CRB1: variants seen among roughly 807,000 people sequenced by gnomAD.
CRB1 encodes the protein crumbs cell polarity complex component 1, also known as protein crumbs homolog 1.
In CRB1, 83 loss-of-function variants were observed where a neutral mutation model predicts 120.0. The observed-to-expected ratio is 0.69, with a 90% CI of 0.58 to 0.83. CRB1 has a LOEUF of 0.83. CRB1 is among the 40% of genes least tolerant of loss of function. CRB1 has a pLI of 0.00. For missense variants in CRB1, 1,699 were observed against 1,687.6 expected (o/e 1.01, Z -0.12); for synonymous variants, 625 against 612.5 (o/e 1.02, Z -0.30).
At chr1:197,245,742 C>T in the CRB1 span, among the ~76,000 whole-genome samples, 4 of 152,120 alleles carry the variant, frequency 2.6e-5, no homozygotes, top group African/African-American at 7.2e-5. Context: ...TTTCCTTTGA[C>T]GCTGCTCCAG....
chr1:197,290,265 CGTGTGTGTGT>C lies in CRB1; in HGVS notation c.70+21814_70+21823del, dbSNP rs10540136. Among the ~76,000 whole-genome samples the C allele has an allele frequency of 1.2e-4, 16 of 136,896 alleles. 1 individual carries two copies. Among genetic ancestry groups the C allele is most frequent in the South Asian group, 4.8e-4 (2 of 4,148 alleles). The allele number at this position is 136,896 out of a possible 152,430, so 89.8% of individuals were successfully genotyped here. ...AAAATCAGTTTTTTATGTTCCCTTT[CGTGTGTGTGT>C]GTGTGTGTGTGTGTGTGTGTGTGTG... On this transcript the variant is annotated intron_variant, in intron 1 of 11. Coordinates refer to ENST00000367400, the MANE Select transcript of CRB1 (RefSeq NM_201253.3).
At chr1:197,277,345 A>C (rs1655266387) in intron 1 of CRB1, among the ~76,000 whole-genome samples, 1 of 151,946 alleles carries the variant, frequency 6.6e-6, no homozygotes, top group South Asian at 2.1e-4. Flanking sequence ...AATTCTTGGA[A>C]CCTTTAAATA....
chr1:197,421,465 T>C lies in CRB1; in HGVS notation c.1637T>C (p.Ile546Thr), dbSNP rs1427090221. ...CTAAGTGGCTACATTCACTTATCAA[T>C]TCAGGTCAATAATCAGTCAAAGGTG... ...ELLSGYIHLS[I>T]QVNNQSKVLL... The change falls in exon 6 of 12, where the codon ATT (isoleucine) becomes ACT (threonine). Residue 546 changes from isoleucine (I) to threonine (T), a missense_variant. Physicochemically the swap from Ile to Thr is moderately conservative, Grantham distance 89 (BLOSUM62 -1). Transcript: ENST00000367400. 6.2e-7 allele frequency: 1 copy of C among 1,614,224 alleles called. No individual in the cohort carries two copies. The highest frequency in any genetic ancestry group is 1.7e-5 in the Admixed American group (1 of 60,030).
chr1:197,439,650 G>A (rs1011876385), intron 10 of CRB1: 2 of 151,562 alleles, frequency 1.3e-5, no homozygotes, highest in African/African-American at 4.9e-5. Context: ...TATCATCGAG[G>A]GTAAGATAAG....
At chr1:197,285,081 T>C (rs1204609548) in intron 1 of CRB1, among the ~76,000 whole-genome samples, 1 of 151,844 alleles carries the variant, frequency 6.6e-6, no homozygotes, top group Non-Finnish European at 1.5e-5. Context: ...TATTGGAGTG[T>C]GAGTTGGTCA....
chr1:197,361,664 A>T (rs1660776091), intron 5 of CRB1, among the ~76,000 whole-genome samples: 1 of 151,964 alleles, frequency 6.6e-6, no homozygotes, highest in Admixed American at 6.5e-5. Context: ...TGGCTACAGA[A>T]TCTGTAATGA....
At chr1:197,419,437 A>T (rs151253882) in intron 5 of CRB1, among the ~76,000 whole-genome samples, 4,349 of 150,660 alleles carry the variant, frequency 0.029, 124 homozygotes, top group Admixed American at 0.049. Context: ...ATCTTGGCTC[A>T]CTGCAATCTT....
At chr1:197,363,018 A>C (rs970792457) in intron 5 of CRB1, among the ~76,000 whole-genome samples, 2 of 152,006 alleles carry the variant, frequency 1.3e-5, no homozygotes, top group African/African-American at 4.8e-5. Flanking sequence ...TAGTGTTTTT[A>C]AATATATTAC....
chr1:197,345,880 G>C (rs1659742949), intron 3 of CRB1, among the ~76,000 whole-genome samples: 1 of 151,968 alleles, frequency 6.6e-6, no homozygotes, highest in Non-Finnish European at 1.5e-5. Flanking sequence ...TCCATGTCTT[G>C]CCTTTGACTT....
Position 197,412,606 on chromosome 1 carries a change from C to A in CRB1, c.1172-8394C>A, listed in dbSNP as rs576149348. Among the ~76,000 whole-genome samples the A allele has an allele frequency of 2.6e-5, 4 of 152,328 alleles. No individual in the cohort carries two copies. The East Asian group carries it at 7.7e-4, about 29-fold the overall frequency. On this transcript the variant is annotated intron_variant, in intron 5 of 11. Coordinates refer to ENST00000367400, the MANE Select transcript of CRB1 (RefSeq NM_201253.3). ...CTGAATATGTTCCCTCTCCTTCTTA[C>A]ACCACCTTCACCCTGTAGCCCCCAA...
intron 11 of CRB1, among the ~76,000 whole-genome samples, chr1:197,459,564 C>T (rs1666431227): frequency 6.6e-6 from 1 of 152,060 alleles, no homozygotes; most frequent in South Asian, 2.1e-4. Flanking sequence ...TATAAGGTCA[C>T]CAATCCCATT....
Position 197,421,041 on chromosome 1 carries a change from C to G in CRB1, c.1213C>G (p.Pro405Ala), listed in dbSNP as rs774063449. The G allele has an allele frequency of 1.9e-6, 3 of 1,614,026 alleles. No homozygotes were observed. The highest frequency in any genetic ancestry group is 1.7e-6 in the Non-Finnish European group (2 of 1,179,924). The change falls in exon 6 of 12, where the codon CCT becomes GCT. Residue 405 changes from proline to alanine, a missense_variant. By Grantham distance (27) the Pro-to-Ala change is conservative (BLOSUM62 -1). Coordinates refer to ENST00000367400, the MANE Select transcript of CRB1 (RefSeq NM_201253.3). ...EEDVNECSSN[P>A]CQNGGTCENL... is the part of the protein sequence containing the mutation. ...AGACGTCAATGAATGTTCTTCAAAC[C>G]CTTGCCAAAATGGTGGTACTTGTGA...
At chr1:197,365,932 T>G (rs1459506154) in intron 5 of CRB1, among the ~76,000 whole-genome samples, 2 of 152,138 alleles carry the variant, frequency 1.3e-5, no homozygotes, top group Admixed American at 6.5e-5. Flanking sequence ...TAGTTTTTAG[T>G]CATGCTTAGT....
intron 5 of CRB1, among the ~76,000 whole-genome samples, chr1:197,374,181 C>T (rs1031892573): frequency 3.3e-5 from 5 of 152,118 alleles, no homozygotes; most frequent in African/African-American, 7.2e-5. Context: ...ATGATGGAAG[C>T]CATCTAGATA....
intron 5 of CRB1, among the ~76,000 whole-genome samples, chr1:197,377,953 C>G (rs1269211621): frequency 6.6e-6 from 1 of 152,124 alleles, no homozygotes; most frequent in African/African-American, 2.4e-5. Context: ...CCGGCACTAT[C>G]TTTGAGTCAA....
intron 5 of CRB1, among the ~76,000 whole-genome samples, chr1:197,359,449 A>G (rs577616178): frequency 4.6e-5 from 7 of 152,006 alleles, no homozygotes; most frequent in East Asian, 1.9e-4. Context: ...ATTCGATGGT[A>G]TGTATATATC....
intron 5 of CRB1, among the ~76,000 whole-genome samples, chr1:197,396,351 C>G (rs936736022): frequency 6.6e-6 from 1 of 152,024 alleles, no homozygotes; most frequent in Non-Finnish European, 1.5e-5. Flanking sequence ...CTATATTTCA[C>G]GTTCACTGAT....
the CRB1 span, among the ~76,000 whole-genome samples, chr1:197,237,574 A>G: frequency 6.6e-6 from 1 of 152,164 alleles, no homozygotes; most frequent in Admixed American, 6.6e-5. Context: ...CCAATTATTT[A>G]TTATTTCTTT....
At chr1:197,257,179 C>T in the CRB1 span, among the ~76,000 whole-genome samples, 48 of 152,086 alleles carry the variant, frequency 3.2e-4, no homozygotes, top group African/African-American at 1.1e-3. Context: ...GGCCTAAGAA[C>T]TAATGTCTGA....
Sources: allele counts gnomAD v4.1 joint callset (sites outside exome capture counted in the v4.1 genomes callset), GRCh38; gene constraint gnomAD v4.1.1; transcripts MANE v1.5; gene names NCBI Gene and HGNC (gene_info 2026-07-23, HGNC 2026-07-21).